UBR4: variants seen among roughly 807,000 people sequenced by gnomAD.
The protein encoded by UBR4 is E3 ubiquitin-protein ligase UBR4.
In UBR4, 124 loss-of-function variants were observed where a neutral mutation model predicts 575.6. The observed-to-expected ratio is 0.22, with a 90% CI of 0.19 to 0.25. The LOEUF is 0.25. Ranked by LOEUF, UBR4 falls within the 10% of genes least tolerant of loss-of-function variation. The pLI is 1.00. For missense variants in UBR4, 4,818 were observed against 6,478.8 expected, an observed-to-expected ratio of 0.74 and a Z score of 8.80; for synonymous variants, 2,455 against 2,473.7, an observed-to-expected ratio of 0.99 and a Z score of 0.22.
chr1:19,117,616 C>A lies in UBR4; in HGVS notation c.10630-202G>T, dbSNP rs1335913187. Among the ~76,000 whole-genome samples, 2 of 152,168 alleles carry A rather than the reference C, an allele frequency of 1.3e-5. No homozygotes were observed. Among genetic ancestry groups the A allele is most frequent in the Non-Finnish European group, 2.9e-5 (2 of 68,038 alleles). ...GGCTCAGGGGATCCTCCCATCTTAG[C>A]CTCCCAAAGTACTGGGATTATAGGC... is the stretch of plus-strand genomic sequence containing the variant. On this transcript the variant is annotated intron_variant, in intron 72 of 105. Transcript: ENST00000375254. This position sits in a 1 kb window ranked among gnomAD's most constrained non-coding sequence, Gnocchi z 4.0.
At chr1:19,081,212 T>A (rs72961917) in intron 103 of UBR4, 137 bp downstream of exon 103, 613 of 764,770 alleles carry the variant, frequency 8.0e-4, no homozygotes, top group Non-Finnish European at 1.1e-3. Flanking sequence ...CATGACAGAC[T>A]GAGAAGGGAG....
Position 19,120,333 on chromosome 1 carries a change from C to T in UBR4, c.10157G>A (p.Ser3386Asn), listed in dbSNP as rs773452424. Reference sequence around the variant, plus strand: ...AGCTGTGCACAGCTGGTCCTCCTGGCTGCCAGAGGTCTCACCTGCAAGATT... The same window carrying T: ...AGCTGTGCACAGCTGGTCCTCCTGGTTGCCAGAGGTCTCACCTGCAAGATT... The part of the protein sequence containing the change: ...EKEKDGETSG[S>N]QEDQLCTALV... The change falls in exon 69 of 106, where the codon AGC becomes AAC. Residue 3386 changes from serine (S) to asparagine (N), a missense_variant. Around this residue, in one of 29 missense-constraint regions of UBR4, gnomAD observed 550 missense variants for 791.5 expected, o/e 0.69. Transcript: ENST00000375254. 1.2e-5 allele frequency: 20 copies of T among 1,614,064 alleles called. No individual in the cohort carries two copies. The highest frequency in any genetic ancestry group is 1.7e-5 in the Admixed American group (1 of 60,004).
chr1:19,122,248 G>A (rs1210735909), intron 66 of UBR4, among the ~76,000 whole-genome samples: 1 of 152,160 alleles, frequency 6.6e-6, no homozygotes, highest in African/African-American at 2.4e-5. Flanking sequence ...CCCACGCAAG[G>A]CGCTGTTTTC....
At chr1:19,179,260 T>TA (rs2090616128) in intron 17 of UBR4, 40 bp from the exon 18 acceptor site, 2 of 1,498,208 alleles carry the variant, frequency 1.3e-6, no homozygotes, top group Admixed American at 2.5e-5. Flanking sequence ...AGCAAACAGA[T>TA]ACGGGATAAA....
In UBR4 at chr1:19,143,996, T is replaced by A. The variant is rs1005413345; in HGVS notation, c.8163A>T (p.Arg2721=). 1 of 1,613,814 alleles carries A rather than the reference T, an allele frequency of 6.2e-7. No individual in the cohort carries two copies. The highest frequency in any genetic ancestry group is 1.3e-5 in the African/African-American group (1 of 75,028). ...TCATATTACCCATTGGAGTGTTGCTTCGAGGGGAAGAGGGTAAAGTCACAT... is the reference window on the plus strand; with the variant it reads ...TCATATTACCCATTGGAGTGTTGCTACGAGGGGAAGAGGGTAAAGTCACAT... ...RRHVTLPSSP[R]SNTPMGDKDD... Residue 2721 remains arginine, a synonymous_variant, in exon 55 of 106, where the codon CGA becomes CGT. Coordinates refer to ENST00000375254, the MANE Select transcript of UBR4 (RefSeq NM_020765.3).
At chr1:19,206,857 G>A (rs553956676) in intron 1 of UBR4, among the ~76,000 whole-genome samples, 1 of 151,888 alleles carries the variant, frequency 6.6e-6, no homozygotes, top group African/African-American at 2.4e-5. Flanking sequence ...TTAAGAAACA[G>A]GGGTTAGACC....
rs1356965074 is a variant in UBR4 at position 19,096,454 on chromosome 1, G to C, written c.13518+69C>G. The stretch of plus-strand genomic sequence containing the variant: ...AGGGTAAAATGACACAGTGGCCATA[G>C]CTTCTTTCCACAGGGGCCTCTCCCA... On this transcript the variant is annotated intron_variant, in intron 92 of 105. Coordinates refer to ENST00000375254, the MANE Select transcript of UBR4 (RefSeq NM_020765.3). 7.0e-6 allele frequency: 11 copies of C among 1,568,076 alleles called. No homozygotes were observed. In the East Asian group the frequency reaches 2.0e-4, roughly 29 times the overall value.
Position 19,105,786 on chromosome 1 carries a change from T to A in UBR4, c.12450A>T (p.Glu4150Asp). The change falls in exon 84 of 106, where the codon GAA (glutamate) becomes GAT (aspartate). Residue 4150 changes from glutamate to aspartate, a missense_variant. By Grantham distance (45) the Glu-to-Asp change is conservative. Around this residue, in one of 29 missense-constraint regions of UBR4, gnomAD observed 178 missense variants for 175.5 expected, o/e 1.01. Coordinates refer to ENST00000375254, the MANE Select transcript of UBR4 (RefSeq NM_020765.3). ...TGCGGCTGGGAATGGTGGCTAGAGC[T>A]TCCACAATGGTACAGGCTGCCTGCC... ...AARQAACTIV[E>D]ALATIPSRKQ... 6.2e-7 allele frequency: 1 copy of A among 1,611,132 alleles called. No homozygotes were observed. The highest frequency in any genetic ancestry group is 1.7e-5 in the Admixed American group (1 of 59,160).
At position 19,157,398 on chromosome 1, in the gene UBR4, G is replaced by A. The variant is rs1257320050; in HGVS notation, c.5760+417C>T. On this transcript the variant is annotated intron_variant, in intron 40 of 105. Coordinates refer to ENST00000375254, the MANE Select transcript of UBR4 (RefSeq NM_020765.3). The surrounding 1 kb of genome is among the most constrained non-coding windows in gnomAD (Gnocchi z 4.4). ...TATAACACAATACAAACTTACTTAT[G>A]TGCTTAACAGAGCTGGGATGGCACG... Among the ~76,000 whole-genome samples the A allele has an allele frequency of 1.3e-5, 2 of 152,226 alleles. No homozygotes were observed. Among genetic ancestry groups the A allele is most frequent in the African/African-American group, 4.8e-5 (2 of 41,450 alleles).
At chr1:19,120,959 T>C (rs547495413) in intron 68 of UBR4, among the ~76,000 whole-genome samples, 4 of 152,374 alleles carry the variant, frequency 2.6e-5, no homozygotes, top group African/African-American at 7.2e-5. Context: ...AAATGTTCAG[T>C]GCACTTTGAC....
chr1:19,084,260 C>T (rs12126114), intron 102 of UBR4, among the ~76,000 whole-genome samples: 12,910 of 152,260 alleles, frequency 0.085, 655 homozygotes, highest in Non-Finnish European at 0.12. Flanking sequence ...TCCAAGGATG[C>T]GGTCTTGGGC....
Position 19,126,460 on chromosome 1 carries a change from G to A in UBR4, c.9424C>T (p.Arg3142Cys), listed in dbSNP as rs770088056. ...SPPDMSPFFL[R>C]QYVKGHAADV... ...AAAGATCTCACCTTCACATACTGGC[G>A]GAGAAAGAATGGGCTCATGTCAGGT... Residue 3142 changes from arginine to cysteine, a missense_variant, in exon 64 of 106, where the codon CGC becomes TGC. Transcript: ENST00000375254. 2.4e-5 allele frequency: 38 copies of A among 1,614,158 alleles called. No homozygotes were observed. Among genetic ancestry groups the A allele is most frequent in the Non-Finnish European group, 3.0e-5 (35 of 1,180,018 alleles).
intron 1 of UBR4, among the ~76,000 whole-genome samples, chr1:19,207,271 T>C (rs1014163880): frequency 4.6e-5 from 7 of 152,238 alleles, no homozygotes; most frequent in African/African-American, 1.7e-4. Flanking sequence ...TCTGGTACTA[T>C]AGCTTCCTAT....
intron 94 of UBR4, 108 bp downstream of exon 94, chr1:19,094,798 C>G: frequency 6.9e-7 from 1 of 1,449,870 alleles, no homozygotes; most frequent in Non-Finnish European, 9.3e-7. Context: ...CTTAAGCAGG[C>G]TCCGCCATTC....
At position 19,089,943 on chromosome 1, in the gene UBR4, T is replaced by C. The variant is rs1246406833; in HGVS notation, c.14212-966A>G. On this transcript the variant is annotated intron_variant, in intron 97 of 105. Coordinates refer to ENST00000375254, the MANE Select transcript of UBR4 (RefSeq NM_020765.3). The surrounding 1 kb of genome is among the most constrained non-coding windows in gnomAD (Gnocchi z 4.3). Reference sequence around the variant, plus strand: ...CTCAACATTCTGGCTGTTTACTGTGTGTGCATGCTTGCACATGTGTGTTTT... The same window carrying C: ...CTCAACATTCTGGCTGTTTACTGTGCGTGCATGCTTGCACATGTGTGTTTT... Among the ~76,000 whole-genome samples the C allele has an allele frequency of 1.3e-5, 2 of 152,268 alleles. No homozygotes were observed. The highest frequency in any genetic ancestry group is 4.8e-5 in the African/African-American group (2 of 41,470).
At chr1:19,209,951 C>T in intron 1 of UBR4, 122 bp downstream of exon 1, 1 of 1,339,910 alleles carries the variant, frequency 7.5e-7, no homozygotes, top group Non-Finnish European at 9.6e-7. Flanking sequence ...GACCCCGAAG[C>T]CGTGGCTGTG....
At chr1:19,146,003 C>T in intron 52 of UBR4, 70 bp from the exon 53 acceptor site, 1 of 1,611,780 alleles carries the variant, frequency 6.2e-7, no homozygotes, top group Non-Finnish European at 8.5e-7. Context: ...TTAAGGTTAA[C>T]TCAGGTCAAG....
At chr1:19,183,758 T>C (rs1378083306) in intron 17 of UBR4, 53 bp downstream of exon 17, 18 of 1,546,316 alleles carry the variant, frequency 1.2e-5, no homozygotes, top group Non-Finnish European at 1.6e-5. Flanking sequence ...AGCTGCAGCC[T>C]ATGGAAGCTG....
Position 19,086,304 on chromosome 1 carries a change from C to T in UBR4, c.14688-34G>A, listed in dbSNP as rs368737785. The T allele has an allele frequency of 5.0e-5, 69 of 1,387,978 alleles. No individual in the cohort carries two copies. In the East Asian group the frequency reaches 1.3e-3, roughly 25 times the overall value. The allele number at this position is 1,387,978 out of a possible 1,614,324, so 86.0% of individuals were successfully genotyped here. On this transcript the variant is annotated intron_variant, in intron 100 of 105. Transcript: ENST00000375254. ...GGAGGAGAGCAGGGACAAGCGACTG[C>T]TGGCATTAACGTGGCAACCAGGCAC...
Sources: allele counts gnomAD v4.1 joint callset (sites outside exome capture counted in the v4.1 genomes callset), GRCh38; gene constraint gnomAD v4.1.1; regional missense constraint gnomAD v4.1.1; non-coding constraint Gnocchi (gnomAD v3.1); transcripts MANE v1.5; gene names NCBI Gene and HGNC (gene_info 2026-07-23, HGNC 2026-07-21).